Variants in MTCL1 observed in about 807,000 individuals in gnomAD.
MTCL1 encodes the protein microtubule crosslinking factor 1, also known as microtubule cross-linking factor 1.
A neutral mutation model predicts 141.4 loss-of-function variants in MTCL1; 79 were observed. The observed-to-expected ratio is 0.56, with a 90% CI of 0.47 to 0.67. The LOEUF is 0.67. Ranked by LOEUF, MTCL1 falls within the 30% of genes least tolerant of loss-of-function variation. The probability of loss-of-function intolerance (pLI) is 0.00; values close to 1 mark genes in which losing one functional copy is unlikely to be tolerated. For synonymous variants in MTCL1, 914 were observed against 875.8 expected (o/e 1.04, Z -0.77); for missense variants, 2,177 against 2,113.9 (o/e 1.03, Z -0.59).
At chr18:8,757,138 A>C (rs1342320503) in intron 4 of MTCL1, among the ~76,000 whole-genome samples, 1 of 152,220 alleles carries the variant, frequency 6.6e-6, no homozygotes, top group East Asian at 1.9e-4. Flanking sequence ...CTTTGGAAAG[A>C]GTACCTGAGA....
chr18:8,726,018 C>T (rs1034650903), intron 4 of MTCL1, among the ~76,000 whole-genome samples: 1 of 151,784 alleles, frequency 6.6e-6, no homozygotes, highest in East Asian at 1.9e-4. Context: ...GTCTCAATCT[C>T]CAGACCTCGT....
chr18:8,708,559 G>A lies in MTCL1; in HGVS notation c.1053+1846G>A, dbSNP rs77163089. Among the ~76,000 whole-genome samples, 226 of 152,300 alleles carry A rather than the reference G, an allele frequency of 1.5e-3. 1 individual carries two copies. The highest frequency in any genetic ancestry group is 5.0e-3 in the African/African-American group (206 of 41,568). On this transcript the variant is annotated intron_variant, in intron 1 of 13. Transcript: ENST00000306329. ...AGAGTGAGTAAGAGGTGGCACCTGC[G>A]TTTCCCCAGAGCCTCTGCCCATTTT...
At chr18:8,733,470 A>G (rs1002387666) in intron 4 of MTCL1, among the ~76,000 whole-genome samples, 1 of 152,004 alleles carries the variant, frequency 6.6e-6, no homozygotes, top group African/African-American at 2.4e-5. Flanking sequence ...AAGTGGCGTG[A>G]TCTTGCCTCA....
intron 4 of MTCL1, among the ~76,000 whole-genome samples, chr18:8,725,219 G>A (rs73394602): frequency 6.9e-4 from 105 of 152,218 alleles, no homozygotes; most frequent in African/African-American, 2.5e-3. Flanking sequence ...ATTCCAGTGA[G>A]CTCAGGTTAT....
chr18:8,768,132 T>C (rs762208207), intron 4 of MTCL1, among the ~76,000 whole-genome samples: 6 of 152,226 alleles, frequency 3.9e-5, no homozygotes, highest in Non-Finnish European at 7.3e-5. Context: ...AAGAGTTCTG[T>C]AGTGAAAACA....
In MTCL1 at chr18:8,724,168, G is replaced by A. The variant is rs1054895973; in HGVS notation, c.357+3672G>A. ...ACGTGAATTTTAACCTCAGCACTTT[G>A]GGAGGCCGAGGTGGGTGGATCACCT... is the stretch of plus-strand genomic sequence containing the variant. On this transcript the variant is annotated intron_variant, in intron 4 of 16. Coordinates refer to ENST00000359865, the Ensembl canonical transcript of MTCL1. 4.6e-5 allele frequency among the ~76,000 whole-genome samples: 7 copies of A among 152,260 alleles called. No homozygotes were observed. The East Asian group carries it at 1.4e-3, about 29-fold the overall frequency.
At chr18:8,735,161 A>G (rs2096269252) in intron 4 of MTCL1, among the ~76,000 whole-genome samples, 1 of 152,224 alleles carries the variant, frequency 6.6e-6, no homozygotes, top group Non-Finnish European at 1.5e-5. Flanking sequence ...GTAAAGGACA[A>G]TAACTGTATG....
chr18:8,776,858 C>T (rs111340346), intron 4 of MTCL1, among the ~76,000 whole-genome samples: 65 of 152,214 alleles, frequency 4.3e-4, no homozygotes, highest in Non-Finnish European at 7.4e-4. Flanking sequence ...AACTCCTGGA[C>T]TCAAACAATC....
At chr18:8,741,522 T>C (rs1307527275) in intron 4 of MTCL1, among the ~76,000 whole-genome samples, 5 of 152,166 alleles carry the variant, frequency 3.3e-5, no homozygotes, top group African/African-American at 1.2e-4. Flanking sequence ...AATAGCAAAC[T>C]GTGCAACTAA....
chr18:8,796,156 G>A (rs1444521283), intron 8 of MTCL1, 76 bp from the exon 8 acceptor site: 70 of 1,449,648 alleles, frequency 4.8e-5, no homozygotes, highest in Non-Finnish European at 6.3e-5. Flanking sequence ...GTGGCAGTTT[G>A]CAGGGACTCT....
exon 4 of MTCL1, chr18:8,720,442 T>G: frequency 6.2e-7 from 1 of 1,614,024 alleles, no homozygotes; most frequent in Non-Finnish European, 8.5e-7. Context: ...AGCAGATGAT[T>G]GAAGTGGAAA....
At chr18:8,762,132 C>T (rs1431954149) in intron 4 of MTCL1, among the ~76,000 whole-genome samples, 1 of 152,118 alleles carries the variant, frequency 6.6e-6, no homozygotes, top group Non-Finnish European at 1.5e-5. Flanking sequence ...AATTGTGCTC[C>T]TGTGAGTATT....
rs1263151907 is a variant in MTCL1, at chr18:8,708,182, C to T, written c.1053+1469C>T. 2.6e-5 allele frequency among the ~76,000 whole-genome samples: 4 copies of T among 152,118 alleles called. No homozygotes were observed. The East Asian group carries it at 7.7e-4, about 29-fold the overall frequency. On this transcript the variant is annotated intron_variant, in intron 1 of 13. Coordinates refer to the MTCL1 transcript ENST00000306329. ...CAAGATAATCTTGTTGTTTTTGTAT[C>T]CCTGGCTCTTAGCATAACCCCTGAC...
intron 15 of MTCL1, among the ~76,000 whole-genome samples, chr18:8,827,083 G>C (rs1316065195): frequency 1.3e-5 from 2 of 152,200 alleles, no homozygotes; most frequent in Non-Finnish European, 2.9e-5. Flanking sequence ...ATTCCAACTC[G>C]CCAGGAGTCC....
intron 4 of MTCL1, among the ~76,000 whole-genome samples, chr18:8,734,454 G>A (rs2096266317): frequency 6.6e-6 from 1 of 152,062 alleles, no homozygotes; most frequent in African/African-American, 2.4e-5. Flanking sequence ...TCCCCGTGAA[G>A]TCTCCAGCTT....
chr18:8,762,882 C>G (rs2096440106), intron 4 of MTCL1, among the ~76,000 whole-genome samples: 1 of 152,152 alleles, frequency 6.6e-6, no homozygotes, highest in Admixed American at 6.5e-5. Context: ...GTGCCCGGCT[C>G]AGGCTTGGGA....
chr18:8,712,117 C>G (rs549311667), intron 1 of MTCL1, among the ~76,000 whole-genome samples: 2 of 152,340 alleles, frequency 1.3e-5, no homozygotes, highest in Middle Eastern at 3.4e-3. Flanking sequence ...CCATGCTGAC[C>G]TCCTGCAGGG....
chr18:8,733,140 G>A (rs889207540), intron 4 of MTCL1, among the ~76,000 whole-genome samples: 6 of 152,218 alleles, frequency 3.9e-5, no homozygotes, highest in African/African-American at 7.2e-5. Context: ...AGCTGAGGAC[G>A]CAGTGCCTGG....
At chr18:8,784,807 C>A (rs138194834) in exon 6 of MTCL1, 38 of 1,606,852 alleles carry the variant, frequency 2.4e-5, no homozygotes, top group Non-Finnish European at 2.9e-5. Flanking sequence ...ACTCCCCCAT[C>A]GGGAACCTGG....
Sources: allele counts gnomAD v4.1 joint callset (sites outside exome capture counted in the v4.1 genomes callset), GRCh38; gene constraint gnomAD v4.1.1; transcripts MANE v1.5; gene names NCBI Gene and HGNC (gene_info 2026-07-23, HGNC 2026-07-21).